Variants in NDRG3 observed in about 807,000 individuals in gnomAD.
NDRG3 encodes the protein NDRG family member 3, also known as protein NDRG3.
Under a neutral mutation model 57.2 loss-of-function variants are expected in NDRG3, and 23 were observed. The ratio of observed to expected loss-of-function variants is 0.40; its 90% CI spans 0.29 to 0.57. The LOEUF (loss-of-function observed/expected upper bound fraction) is 0.57. NDRG3 is among the 20% of genes least tolerant of loss of function. NDRG3 has a pLI of 0.42. For missense variants in NDRG3, 384 were observed against 457.3 expected (o/e 0.84, Z 1.46); for synonymous variants, 132 against 162.6 (o/e 0.81, Z 1.43).
chr20:36,730,118 G>A (rs963062988), intron 1 of NDRG3, among the ~76,000 whole-genome samples: 11 of 151,362 alleles, frequency 7.3e-5, no homozygotes, highest in Admixed American at 2.6e-4. Context: ...ATGATAGCAC[G>A]TGCCTGTAAT....
At chr20:36,742,887 T>C (rs1371182530) in intron 1 of NDRG3, among the ~76,000 whole-genome samples, 1 of 152,224 alleles carries the variant, frequency 6.6e-6, no homozygotes. Flanking sequence ...AGAACCTTCA[T>C]TTAAATAAAG....
intron 3 of NDRG3, among the ~76,000 whole-genome samples, chr20:36,702,385 C>T (rs1277396072): frequency 1.3e-5 from 2 of 152,218 alleles, no homozygotes; most frequent in African/African-American, 4.8e-5. Context: ...ATCCGCCCAC[C>T]TCGGCCTCCC....
intron 1 of NDRG3, among the ~76,000 whole-genome samples, chr20:36,729,171 T>G (rs921588628): frequency 6.6e-6 from 1 of 152,128 alleles, no homozygotes; most frequent in Non-Finnish European, 1.5e-5. Context: ...GCTAAAGCAA[T>G]CCTATACATA....
chr20:36,656,174 AAAGT>A (rs917924364), intron 15 of NDRG3, among the ~76,000 whole-genome samples, 182 bp downstream of exon 15: 1 of 151,894 alleles, frequency 6.6e-6, no homozygotes, highest in African/African-American at 2.4e-5. Flanking sequence ...TTGCCTGATG[AAAGT>A]AAGTGCTGAG....
chr20:36,728,901 T>C (rs1470620554), intron 1 of NDRG3, among the ~76,000 whole-genome samples: 1 of 152,080 alleles, frequency 6.6e-6, no homozygotes, highest in East Asian at 1.9e-4. Flanking sequence ...TTTGTATTTT[T>C]AGTAGAGACA....
At chr20:36,654,842 G>A (rs1978518176) in intron 15 of NDRG3, 1 of 779,664 alleles carries the variant, frequency 1.3e-6, no homozygotes, top group Non-Finnish European at 2.4e-6. Flanking sequence ...ATACGGGACT[G>A]GAAGCAGGAT....
intron 1 of NDRG3, among the ~76,000 whole-genome samples, chr20:36,727,549 T>C (rs1185611599): frequency 7.2e-6 from 1 of 139,272 alleles, no homozygotes; most frequent in Non-Finnish European, 1.6e-5. Context: ...TTTTCTTTTC[T>C]TTTTTTTTTT....
chr20:36,730,124 G>A (rs1250262450), intron 1 of NDRG3, among the ~76,000 whole-genome samples: 1 of 151,370 alleles, frequency 6.6e-6, no homozygotes, highest in Non-Finnish European at 1.5e-5. Flanking sequence ...GCACGTGCCT[G>A]TAATCCCAGC....
chr20:36,724,314 T>C (rs987860126), intron 1 of NDRG3, among the ~76,000 whole-genome samples: 1 of 152,200 alleles, frequency 6.6e-6, no homozygotes, highest in East Asian at 1.9e-4. Flanking sequence ...AATTTGATGA[T>C]GTTTAACCTC....
Position 36,746,079 on chromosome 20 carries a change from A to AGCAGCAGCG in NDRG3, c.-84_-83insCGCTGCTGC. The AGCAGCAGCG allele has an allele frequency of 4.1e-6, 1 of 244,690 alleles. No homozygotes were observed. The highest frequency in any genetic ancestry group is 1.5e-4 in the South Asian group (1 of 6,688). The allele number at this position is 244,690 out of a possible 1,614,324, so 15.2% of individuals were successfully genotyped here. On this transcript the variant is annotated 5_prime_UTR_variant, in exon 1 of 16. Transcript: ENST00000349004. Reference sequence around the variant, plus strand: ...GGGCACCCGCCGTCAGTGCAGCAGCAGCGGCGGCGGCGGCGGCGGCGGCGG... The same window carrying AGCAGCAGCG: ...GGGCACCCGCCGTCAGTGCAGCAGCAGCAGCAGCGGCGGCGGCGGCGGCGGCGGCGGCGG...
At chr20:36,679,520 T>G (rs1981057792) in intron 8 of NDRG3, among the ~76,000 whole-genome samples, 9 of 151,208 alleles carry the variant, frequency 6.0e-5, no homozygotes, top group Admixed American at 5.9e-4. Context: ...TTTTTTTTTT[T>G]GAGACAGAGT....
intron 12 of NDRG3, among the ~76,000 whole-genome samples, chr20:36,661,334 G>A (rs375579757): frequency 1.1e-4 from 17 of 152,310 alleles, no homozygotes; most frequent in African/African-American, 3.8e-4. Context: ...CAAAGAAAAT[G>A]TTTTGGGGAG....
At chr20:36,712,893 C>T (rs1317617206) in intron 2 of NDRG3, among the ~76,000 whole-genome samples, 1 of 151,726 alleles carries the variant, frequency 6.6e-6, no homozygotes, top group Non-Finnish European at 1.5e-5. Flanking sequence ...ACTGCACCTG[C>T]CCTGTTTCTT....
intron 1 of NDRG3, among the ~76,000 whole-genome samples, chr20:36,743,981 A>G (rs1986056836): frequency 1.5e-5 from 2 of 137,274 alleles, no homozygotes; most frequent in Non-Finnish European, 3.1e-5. Flanking sequence ...GCTCACTGCA[A>G]GCTCCAGCTC....
intron 12 of NDRG3, among the ~76,000 whole-genome samples, chr20:36,660,850 G>A (rs1423650196): frequency 6.6e-6 from 1 of 152,100 alleles, no homozygotes; most frequent in Non-Finnish European, 1.5e-5. Flanking sequence ...GTGAGCCACC[G>A]CGCCCGGCCC....
intron 2 of NDRG3, among the ~76,000 whole-genome samples, chr20:36,710,496 A>C (rs1983801263): frequency 6.6e-6 from 1 of 152,160 alleles, no homozygotes; most frequent in Admixed American, 6.5e-5. Flanking sequence ...AAAAATACCC[A>C]ATTTAGTATT....
At chr20:36,720,289 C>T (rs1236349518) in intron 2 of NDRG3, among the ~76,000 whole-genome samples, 1 of 151,860 alleles carries the variant, frequency 6.6e-6, no homozygotes, top group East Asian at 2.0e-4. Context: ...TCTCCTGCCT[C>T]AGCCTCCTGA....
rs1465217364 is a variant in NDRG3 at position 36,721,562 on chromosome 20, T to C, written c.57+117A>G. 6.3e-6 allele frequency: 4 copies of C among 638,044 alleles called. No individual in the cohort carries two copies. In the South Asian group the frequency reaches 8.7e-5, roughly 14 times the overall value. The allele number at this position is 638,044 out of a possible 1,614,324, so 39.5% of individuals were successfully genotyped here. ...AAGAAATAGATTTTTAAAGTATTCC[T>C]TTCATTGAAAGTCAAGCTAAATATG... On this transcript the variant is annotated intron_variant, in intron 2 of 15. Transcript: ENST00000349004.
chr20:36,700,113 C>CA (rs1294581784), intron 3 of NDRG3, among the ~76,000 whole-genome samples: 2,773 of 46,648 alleles, frequency 0.059, 104 homozygotes, highest in African/African-American at 0.14. Flanking sequence ...CAATCAGTCT[C>CA]AAAAAAAAAA....
Sources: allele counts gnomAD v4.1 joint callset (sites outside exome capture counted in the v4.1 genomes callset), GRCh38; gene constraint gnomAD v4.1.1; transcripts MANE v1.5; gene names NCBI Gene and HGNC (gene_info 2026-07-23, HGNC 2026-07-21).